Variants in SEMA3F observed in about 807,000 individuals in gnomAD.
SEMA3F encodes the protein semaphorin 3F, also known as semaphorin-3F.
SEMA3F carries 30 observed loss-of-function variants against 98.5 expected under a neutral mutation model. The ratio of observed to expected loss-of-function variants is 0.30; its 90% CI spans 0.23 to 0.41. SEMA3F has a LOEUF of 0.41. Among genes scored for constraint, SEMA3F ranks in the 10% least tolerant of loss-of-function variants. SEMA3F has a pLI of 1.00. For synonymous variants in SEMA3F, 380 were observed against 444.8 expected, an observed-to-expected ratio of 0.85 and a Z score of 1.83; for missense variants, 866 against 1,119.3, an observed-to-expected ratio of 0.77 and a Z score of 3.23.
intron 2 of SEMA3F, among the ~76,000 whole-genome samples, chr3:50,172,458 G>A (rs1373419567): frequency 1.3e-5 from 2 of 152,078 alleles, no homozygotes; most frequent in Non-Finnish European, 2.9e-5. Context: ...GTCTGTCATT[G>A]TCTGAGCCCC....
In SEMA3F at chr3:50,182,362, C is replaced by G. The variant is rs750171769; in HGVS notation, c.722C>G (p.Thr241Arg). ...ATCTTCCGCACACTTGGAAAGCAGA[C>G]AGCCATGCGCACGGATCAGTACAAC... ...AAIFRTLGKQ[T>R]AMRTDQYNSR... Residue 241 changes from threonine (T) to arginine (R), a missense_variant, in exon 8 of 19, where the codon ACA becomes AGA. Physicochemically the swap from Thr to Arg is moderately conservative, Grantham distance 71. Transcript: ENST00000002829. This position sits in a 1 kb window ranked among gnomAD's most constrained non-coding sequence, Gnocchi z 4.5. 6.2e-7 allele frequency: 1 copy of G among 1,614,046 alleles called. No individual in the cohort carries two copies. Among genetic ancestry groups the G allele is most frequent in the Non-Finnish European group, 8.5e-7 (1 of 1,180,034 alleles).
rs979415041 is a variant in SEMA3F at position 50,156,753 on chromosome 3, G to T, written c.-49+1189G>T. 6.6e-6 allele frequency among the ~76,000 whole-genome samples: 1 copy of T among 152,224 alleles called. No homozygotes were observed. The highest frequency in any genetic ancestry group is 1.9e-4 in the East Asian group (1 of 5,190). On this transcript the variant is annotated intron_variant, in intron 1 of 18. Coordinates refer to ENST00000002829, the MANE Select transcript of SEMA3F (RefSeq NM_004186.5). The surrounding 1 kb of genome is among the most constrained non-coding windows in gnomAD (Gnocchi z 4.5). ...AGCTCCGAAGGAGCCAGGCCCGGAA[G>T]TGGGGAGGTGGGGGCCGGAGAGAAA...
At chr3:50,176,027 C>T (rs1698794945) in intron 6 of SEMA3F, among the ~76,000 whole-genome samples, 1 of 152,098 alleles carries the variant, frequency 6.6e-6, no homozygotes, top group African/African-American at 2.4e-5. Flanking sequence ...CTGGCTTTCT[C>T]TTGTGGCCTC....
Position 50,182,603 on chromosome 3 carries a change from T to A in SEMA3F, c.764-41T>A. Reference sequence around the variant, plus strand: ...CTGTTGGAGAACATCAGGGGCACCATCAGAGTAGGGGCTCACCCAGCTGAC... The same window carrying A: ...CTGTTGGAGAACATCAGGGGCACCAACAGAGTAGGGGCTCACCCAGCTGAC... On this transcript the variant is annotated intron_variant, in intron 8 of 18. Coordinates refer to ENST00000002829, the MANE Select transcript of SEMA3F (RefSeq NM_004186.5). This position sits in a 1 kb window ranked among gnomAD's most constrained non-coding sequence, Gnocchi z 4.5. The A allele has an allele frequency of 6.2e-7, 1 of 1,600,918 alleles. No individual in the cohort carries two copies. Among genetic ancestry groups the A allele is most frequent in the Non-Finnish European group, 8.5e-7 (1 of 1,170,622 alleles).
intron 2 of SEMA3F, among the ~76,000 whole-genome samples, chr3:50,163,016 C>T (rs1235629785): frequency 1.3e-5 from 2 of 152,168 alleles, no homozygotes; most frequent in African/African-American, 2.4e-5. Context: ...GGGGGCTGAG[C>T]GGCTTCCCAG....
chr3:50,167,182 C>A (rs1357627704), intron 2 of SEMA3F, among the ~76,000 whole-genome samples: 2 of 152,190 alleles, frequency 1.3e-5, no homozygotes, highest in Non-Finnish European at 2.9e-5. Flanking sequence ...CAAATGTGTT[C>A]TCACAGGCAA....
At chr3:50,176,339 T>G (rs1303299847) in intron 6 of SEMA3F, among the ~76,000 whole-genome samples, 1 of 152,120 alleles carries the variant, frequency 6.6e-6, no homozygotes, top group Non-Finnish European at 1.5e-5. Flanking sequence ...AACCAGTCAC[T>G]CCTGCCCTGG....
chr3:50,155,186 C>T, upstream of SEMA3F: 1 of 343,344 alleles, frequency 2.9e-6, no homozygotes, highest in East Asian at 4.4e-5. The surrounding 1 kb of genome is among the most constrained non-coding windows in gnomAD (Gnocchi z 4.9). Flanking sequence ...CGCGGCCGCC[C>T]GGCCCGGGTC....
intron 2 of SEMA3F, among the ~76,000 whole-genome samples, chr3:50,165,325 A>G (rs929907111): frequency 1.3e-5 from 2 of 152,174 alleles, no homozygotes; most frequent in African/African-American, 4.8e-5. Flanking sequence ...TCTGGTTTTT[A>G]AGCTCTTTTT....
chr3:50,164,763 T>G (rs988513528), intron 2 of SEMA3F, among the ~76,000 whole-genome samples: 1 of 152,240 alleles, frequency 6.6e-6, no homozygotes, highest in East Asian at 1.9e-4. Context: ...AGCAGCATCA[T>G]GAGGGCTCAG....
Position 50,182,986 on chromosome 3 carries a change from A to G in SEMA3F, c.986A>G (p.Glu329Gly). The change falls in exon 10 of 19, where the codon GAG becomes GGG. Residue 329 changes from glutamate to glycine, a missense_variant. Physicochemically the swap from Glu to Gly is moderately conservative, Grantham distance 98. Around this residue, in one of 3 missense-constraint regions of SEMA3F, gnomAD observed 374 missense variants for 582.8 expected, o/e 0.64. Transcript: ENST00000002829. The surrounding 1 kb of genome is among the most constrained non-coding windows in gnomAD (Gnocchi z 4.5). ...KARLVCSVPG[E>G]DGIETHFDEL... ...CGGCTCGTCTGCTCTGTCCCGGGCG[A>G]GGATGGCATTGAGACTCACTTTGAT... 6.2e-7 allele frequency: 1 copy of G among 1,613,872 alleles called. No individual in the cohort carries two copies. Among genetic ancestry groups the G allele is most frequent in the Non-Finnish European group, 8.5e-7 (1 of 1,180,032 alleles).
rs1375916680 is a variant in SEMA3F at position 50,156,257 on chromosome 3, G to A, written c.-49+693G>A. ...GGGGTCCCAGTGGTGAAGTGGGCAG[G>A]GGACAGCGGGGGCTTGGCGGGGTTG... is the stretch of plus-strand genomic sequence containing the variant. On this transcript the variant is annotated intron_variant, in intron 1 of 18. Transcript: ENST00000002829. This position sits in a 1 kb window ranked among gnomAD's most constrained non-coding sequence, Gnocchi z 4.5. 6.6e-6 allele frequency among the ~76,000 whole-genome samples: 1 copy of A among 152,252 alleles called. No individual in the cohort carries two copies. Among genetic ancestry groups the A allele is most frequent in the Non-Finnish European group, 1.5e-5 (1 of 68,046 alleles).
intron 1 of SEMA3F, 170 bp from the exon 2 acceptor site, chr3:50,159,405 C>T: frequency 1.9e-6 from 1 of 518,802 alleles, no homozygotes; most frequent in Non-Finnish European, 3.3e-6. Context: ...ACTATCTCCC[C>T]AGACAAAGGC....
chr3:50,175,464 A>G (rs1447255386), intron 6 of SEMA3F, among the ~76,000 whole-genome samples: 3 of 152,212 alleles, frequency 2.0e-5, no homozygotes. Context: ...AGCCCTCAGA[A>G]AGCATGTGTG....
At chr3:50,185,771 C>T in intron 15 of SEMA3F, 64 bp downstream of exon 15, 1 of 1,611,296 alleles carries the variant, frequency 6.2e-7, no homozygotes, top group South Asian at 1.1e-5. Context: ...GGGTCATGCC[C>T]TTGGCACAGG....
intron 2 of SEMA3F, among the ~76,000 whole-genome samples, chr3:50,160,246 G>C (rs1345681950): frequency 6.6e-6 from 1 of 152,150 alleles, no homozygotes; most frequent in Non-Finnish European, 1.5e-5. Context: ...AGTGGGAAGG[G>C]TTCCTAGAAT....
At chr3:50,180,939 C>T (rs1237967205) in intron 7 of SEMA3F, among the ~76,000 whole-genome samples, 2 of 151,918 alleles carry the variant, frequency 1.3e-5, no homozygotes, top group Non-Finnish European at 2.9e-5. Context: ...TAGTGGTGGG[C>T]ACCTGTAGTC....
intron 11 of SEMA3F, 30 bp from the exon 12 acceptor site, chr3:50,183,390 C>T (rs1489295075): frequency 6.2e-7 from 1 of 1,613,014 alleles, no homozygotes; most frequent in Non-Finnish European, 8.5e-7. Flanking sequence ...GAGGGTCTGT[C>T]CTGCTCAGCA....
chr3:50,180,290 A>G (rs1698970331), intron 7 of SEMA3F, among the ~76,000 whole-genome samples: 1 of 151,830 alleles, frequency 6.6e-6, no homozygotes, highest in Non-Finnish European at 1.5e-5. Flanking sequence ...CAGCCTCCCA[A>G]GTAGCTGGGA....
Sources: gnomAD v4.1 joint callset for allele counts (sites outside exome capture counted in the v4.1 genomes callset) on GRCh38, gnomAD v4.1.1 for gene constraint, gnomAD v4.1.1 regional missense constraint, Gnocchi (gnomAD v3.1) non-coding constraint, MANE v1.5 for transcripts, NCBI Gene and HGNC (gene_info 2026-07-23, HGNC 2026-07-21) for gene names.